Variants in SNRPG observed in about 807,000 individuals in gnomAD.
SNRPG encodes small nuclear ribonucleoprotein polypeptide G, also known as small nuclear ribonucleoprotein G.
Under a neutral mutation model 13.9 loss-of-function variants are expected in SNRPG, and 3 were observed. That is an observed-to-expected ratio of 0.22 (90% CI 0.10 to 0.56). The LOEUF (loss-of-function observed/expected upper bound fraction) is 0.56, where lower values mean the gene tolerates loss of function less well. Ranked by LOEUF, SNRPG falls within the 20% of genes least tolerant of loss-of-function variation. The pLI is 0.93. For missense variants in SNRPG, 34 were observed against 96.1 expected (o/e 0.35, Z 2.70); for synonymous variants, 29 against 29.3 (o/e 0.99, Z 0.03).
At chr2:70,287,485 G>C in intron 3 of SNRPG, 5 of 568,814 alleles carry the variant, frequency 8.8e-6, no homozygotes, top group Non-Finnish European at 1.5e-5. Context: ...GGCTCAGTAT[G>C]TGCTTATTTT....
At chr2:70,289,222 G>A in intron 2 of SNRPG, 128 bp downstream of exon 2, 1 of 552,804 alleles carries the variant, frequency 1.8e-6, no homozygotes, top group Non-Finnish European at 3.3e-6. Context: ...CAAAGTGCTG[G>A]GATTACAGCC....
At chr2:70,283,994 G>C (rs917830300) in intron 3 of SNRPG, among the ~76,000 whole-genome samples, 2 of 152,188 alleles carry the variant, frequency 1.3e-5, no homozygotes, top group Non-Finnish European at 2.9e-5. Context: ...GGGAGGTTGA[G>C]ACCACAGTGA....
chr2:70,283,122 A>AAAC lies in SNRPG; in HGVS notation c.181-1441_181-1439dup, dbSNP rs1553474952. On this transcript the variant is annotated intron_variant, in intron 3 of 3. Coordinates refer to ENST00000272348, the MANE Select transcript of SNRPG (RefSeq NM_003096.4). ...AAAAAAAAAAAAAAAAAAAAAAAAAAAACAACAAACCAAAACCAAAACAAA... is the reference window on the plus strand; with the variant it reads ...AAAAAAAAAAAAAAAAAAAAAAAAAAAACAACAACAAACCAAAACCAAAACAAA... 4.5e-3 allele frequency among the ~76,000 whole-genome samples: 371 copies of AAAC among 82,952 alleles called. 47 individuals carry two copies. Among genetic ancestry groups the AAAC allele is most frequent in the African/African-American group, 0.014 (331 of 24,494 alleles). 54.4% of individuals were successfully genotyped at this position (82,952 alleles called of 152,430 possible).
At chr2:70,292,483 G>A (rs923189430) in intron 1 of SNRPG, among the ~76,000 whole-genome samples, 5 of 152,142 alleles carry the variant, frequency 3.3e-5, no homozygotes, top group African/African-American at 9.7e-5. Flanking sequence ...GAATAGCTGA[G>A]ACTACAGGCG....
rs964747280 is a variant in SNRPG, at chr2:70,287,166, A to C, written c.180+902T>G. ...GGAAAGAATGGTATGTAAAAAAATT[A>C]AACAGGCAGAGATGTCAAAATAGGT... On this transcript the variant is annotated intron_variant, in intron 3 of 3. Coordinates refer to ENST00000272348, the MANE Select transcript of SNRPG (RefSeq NM_003096.4). 4 of 596,804 alleles carry C rather than the reference A, an allele frequency of 6.7e-6. No individual in the cohort carries two copies. The African/African-American group carries it at 7.5e-5, about 11-fold the overall frequency. 37.0% of individuals were successfully genotyped at this position (596,804 alleles called of 1,614,324 possible).
rs1384017659 is a variant in SNRPG, at chr2:70,287,456, G to C, written c.180+612C>G. The C allele has an allele frequency of 1.7e-5, 11 of 653,884 alleles. No homozygotes were observed. The East Asian group carries it at 2.8e-4, about 17-fold the overall frequency. The allele number at this position is 653,884 out of a possible 1,614,324, so 40.5% of individuals were successfully genotyped here. A position where few individuals can be genotyped will look rare whatever the true frequency, so the allele number is the denominator to read the frequency against. ...TAAAACTACGGCCCAATGAATGTAG[G>C]AATGTTTAATCCTATGAGGGCTCAG... is the stretch of plus-strand genomic sequence containing the variant. On this transcript the variant is annotated intron_variant, in intron 3 of 3. Coordinates refer to ENST00000272348, the MANE Select transcript of SNRPG (RefSeq NM_003096.4).
Position 70,289,364 on chromosome 2 carries a change from T to A in SNRPG, c.41A>T (p.Asp14Val). ...AHPPELKKFM[D>V]KKLSLKLNGG... ...AACAAACTTACATGATAACTTCTTG[T>A]CCATAAATCTGAAAAAGGAAAAGGG... The change falls in exon 2 of 4, where the codon GAC (aspartate) becomes GTC (valine). Residue 14 changes from aspartate (D) to valine (V), a missense_variant. Transcript: ENST00000272348. 6.9e-7 allele frequency: 1 copy of A among 1,446,456 alleles called. No homozygotes were observed. The highest frequency in any genetic ancestry group is 9.5e-7 in the Non-Finnish European group (1 of 1,048,136). The allele number at this position is 1,446,456 out of a possible 1,614,324, so 89.6% of individuals were successfully genotyped here.
chr2:70,291,021 AC>A (rs1697078735), intron 1 of SNRPG, among the ~76,000 whole-genome samples: 1 of 85,274 alleles, frequency 1.2e-5, no homozygotes. Flanking sequence ...CAAAACACAC[AC>A]ACACACACAC....
intron 2 of SNRPG, 43 bp from the exon 3 acceptor site, chr2:70,288,235 A>G: frequency 6.4e-7 from 1 of 1,555,760 alleles, no homozygotes. Context: ...ACATTCCATT[A>G]GCTACCAAGC....
chr2:70,291,976 C>G (rs1573998759), intron 1 of SNRPG, among the ~76,000 whole-genome samples: 1 of 137,634 alleles, frequency 7.3e-6, no homozygotes, highest in African/African-American at 2.6e-5. Context: ...GAGACGGAGT[C>G]TCGCTCTGTT....
At position 70,288,245 on chromosome 2, in the gene SNRPG, C is replaced by A. The variant is rs1434480998; in HGVS notation, c.56-53G>T. On this transcript the variant is annotated intron_variant, in intron 2 of 3. Coordinates refer to ENST00000272348, the MANE Select transcript of SNRPG (RefSeq NM_003096.4). ...GAAAAACATTCCATTAGCTACCAAG[C>A]ATTCACTAAAAATCAGGTGGGATAA... The A allele has an allele frequency of 8.0e-6, 12 of 1,508,572 alleles. No individual in the cohort carries two copies. In the South Asian group the frequency reaches 1.2e-4, roughly 16 times the overall value. 93.4% of individuals were successfully genotyped at this position (1,508,572 alleles called of 1,614,324 possible). A position where few individuals can be genotyped will look rare whatever the true frequency, so the allele number is the denominator to read the frequency against.
intron 3 of SNRPG, among the ~76,000 whole-genome samples, chr2:70,283,305 T>A (rs1011520247): frequency 1.3e-5 from 2 of 151,730 alleles, no homozygotes; most frequent in African/African-American, 4.8e-5. Flanking sequence ...ATCAGTCAAG[T>A]AGAATTGGAT....
intron 3 of SNRPG, among the ~76,000 whole-genome samples, chr2:70,285,927 AAACAAACTC>A (rs1696932566): frequency 6.6e-6 from 1 of 152,190 alleles, no homozygotes; most frequent in Non-Finnish European, 1.5e-5. Context: ...GACAGGTTAA[AAACAAACTC>A]ACTCCTGAAA....
chr2:70,289,484 G>A, intron 1 of SNRPG, 112 bp from the exon 2 acceptor site: 1 of 602,274 alleles, frequency 1.7e-6, no homozygotes, highest in Non-Finnish European at 3.0e-6. Context: ...TGGGAATAAT[G>A]AAATCTAAAA....
At chr2:70,286,770 C>T (rs1377875566) in intron 3 of SNRPG, among the ~76,000 whole-genome samples, 1 of 152,206 alleles carries the variant, frequency 6.6e-6, no homozygotes, top group Non-Finnish European at 1.5e-5. Context: ...CTAATCTTCT[C>T]AAAGCAGAAT....
At chr2:70,293,271 G>A (rs779315185) in intron 1 of SNRPG, 1 of 700,524 alleles carries the variant, frequency 1.4e-6, no homozygotes, top group South Asian at 1.5e-5. Flanking sequence ...CCCTCTAGCC[G>A]TCTATCTAGA....
Position 70,283,087 on chromosome 2 carries a change from G to C in SNRPG, c.181-1403C>G, listed in dbSNP as rs1324053837. Among the ~76,000 whole-genome samples, 3 of 52,436 alleles carry C rather than the reference G, an allele frequency of 5.7e-5. No homozygotes were observed. The Admixed American group carries it at 1.2e-3, about 20-fold the overall frequency. 34.4% of individuals were successfully genotyped at this position (52,436 alleles called of 152,430 possible). A position where few individuals can be genotyped will look rare whatever the true frequency, so the allele number is the denominator to read the frequency against. On this transcript the variant is annotated intron_variant, in intron 3 of 3. Coordinates refer to ENST00000272348, the MANE Select transcript of SNRPG (RefSeq NM_003096.4). ...TCCAGCCTGGGCAACGAGCGAAACT[G>C]TCTTTTGTCAAAAAAAAAAAAAAAA...
intron 1 of SNRPG, chr2:70,292,802 T>C: frequency 3.9e-6 from 1 of 259,370 alleles, no homozygotes; most frequent in Non-Finnish European, 7.5e-6. Flanking sequence ...AACTAATACA[T>C]GTAGAATTCC....
At chr2:70,287,744 G>T in intron 3 of SNRPG, 1 of 398,614 alleles carries the variant, frequency 2.5e-6, no homozygotes, top group East Asian at 4.9e-5. Flanking sequence ...AGATTCCCTG[G>T]GGATTCATAT....
Sources: allele counts gnomAD v4.1 joint callset (sites outside exome capture counted in the v4.1 genomes callset), GRCh38; gene constraint gnomAD v4.1.1; transcripts MANE v1.5; gene names NCBI Gene and HGNC (gene_info 2026-07-23, HGNC 2026-07-21).